Variants in AMD1 observed in about 807,000 individuals in gnomAD.
AMD1 encodes S-adenosylmethionine decarboxylase proenzyme.
AMD1 carries 11 observed loss-of-function variants against 40.2 expected under a neutral mutation model. That is an observed-to-expected ratio of 0.27 (90% CI 0.17 to 0.45). The LOEUF (loss-of-function observed/expected upper bound fraction) is 0.45. Among genes scored for constraint, AMD1 ranks in the 20% least tolerant of loss-of-function variants. The probability of loss-of-function intolerance (pLI) is 1.00; values close to 1 mark genes in which losing one functional copy is unlikely to be tolerated. For synonymous variants in AMD1, 121 were observed against 130.8 expected (o/e 0.93, Z 0.51); for missense variants, 257 against 410.2 (o/e 0.63, Z 3.23).
chr6:110,861,195 AT>A, the AMD1 span, among the ~76,000 whole-genome samples: 2 of 151,930 alleles, frequency 1.3e-5, no homozygotes, highest in African/African-American at 2.4e-5. Context: ...TGTCTCTACT[AT>A]AAACACAAAA....
At chr6:110,830,351 C>T in the AMD1 span, among the ~76,000 whole-genome samples, 17 of 152,080 alleles carry the variant, frequency 1.1e-4, no homozygotes, top group African/African-American at 3.9e-4. Context: ...CAGGATCTCA[C>T]TTTGCTGCCC....
the AMD1 span, among the ~76,000 whole-genome samples, chr6:110,863,162 A>T: frequency 5.5e-4 from 82 of 150,036 alleles, 3 homozygotes; most frequent in South Asian, 0.016. Flanking sequence ...AGCCAGGATG[A>T]TCTCGATCTC....
the AMD1 span, among the ~76,000 whole-genome samples, chr6:110,850,898 T>C: frequency 2.0e-5 from 3 of 152,184 alleles, no homozygotes; most frequent in Admixed American, 1.3e-4. Flanking sequence ...TCAGAAATGA[T>C]TTTTGAAATA....
Position 110,874,888 on chromosome 6 carries a change from A to G in AMD1, c.-218A>G. 3.7e-6 allele frequency: 2 copies of G among 546,082 alleles called. No individual in the cohort carries two copies. The highest frequency in any genetic ancestry group is 6.5e-6 in the Non-Finnish European group (2 of 306,848). 33.8% of individuals were successfully genotyped at this position (546,082 alleles called of 1,614,324 possible). ...CTGAACTGTATCTGCCTCTATTTCC[A>G]AAAGACTCACGTTCAACTTTCGCTC... On this transcript the variant is annotated 5_prime_UTR_variant, in exon 1 of 9. Coordinates refer to ENST00000368885, the MANE Select transcript of AMD1 (RefSeq NM_001634.6).
the AMD1 span, among the ~76,000 whole-genome samples, chr6:110,841,108 G>T: frequency 2.6e-5 from 4 of 152,120 alleles, no homozygotes; most frequent in Non-Finnish European, 5.9e-5. Flanking sequence ...CCACCTCCTG[G>T]GTTCAAGCGA....
the AMD1 span, among the ~76,000 whole-genome samples, chr6:110,852,608 C>T: frequency 6.6e-6 from 1 of 152,030 alleles, no homozygotes; most frequent in Admixed American, 6.6e-5. Flanking sequence ...GTTTTGGAAC[C>T]CATAGTCATA....
chr6:110,817,586 G>A, the AMD1 span, among the ~76,000 whole-genome samples: 1 of 152,050 alleles, frequency 6.6e-6, no homozygotes, highest in Non-Finnish European at 1.5e-5. Flanking sequence ...TCCAGCCTGG[G>A]CAACAGAGCA....
the AMD1 span, among the ~76,000 whole-genome samples, chr6:110,826,982 G>A: frequency 2.6e-5 from 4 of 152,046 alleles, no homozygotes; most frequent in Non-Finnish European, 5.9e-5. Flanking sequence ...CTGAGCCACT[G>A]CACCAGGCCC....
chr6:110,873,426 A>G (rs1407031087), upstream of AMD1, among the ~76,000 whole-genome samples: 2 of 152,236 alleles, frequency 1.3e-5, no homozygotes, highest in African/African-American at 4.8e-5. Context: ...TTCTTTCAAC[A>G]GGTTTCACGG....
chr6:110,833,911 T>C, the AMD1 span, among the ~76,000 whole-genome samples: 1 of 152,276 alleles, frequency 6.6e-6, no homozygotes, highest in South Asian at 2.1e-4. Context: ...ACGTAAGAAC[T>C]CTTGCTTATG....
At chr6:110,888,276 G>C (rs1459131379) in intron 2 of AMD1, 1 of 152,184 alleles carries the variant, frequency 6.6e-6, no homozygotes, top group Admixed American at 6.6e-5. Context: ...TATATATTGT[G>C]ATGGGCCTTG....
At chr6:110,835,724 G>A in the AMD1 span, among the ~76,000 whole-genome samples, 1 of 152,068 alleles carries the variant, frequency 6.6e-6, no homozygotes, top group Non-Finnish European at 1.5e-5. Flanking sequence ...AATTAGCTGG[G>A]CATGGTGGCA....
the AMD1 span, among the ~76,000 whole-genome samples, chr6:110,823,215 G>C: frequency 6.6e-6 from 1 of 152,084 alleles, no homozygotes; most frequent in Non-Finnish European, 1.5e-5. Context: ...AGGCATAGAA[G>C]GAACATACCT....
At chr6:110,818,360 T>C in the AMD1 span, among the ~76,000 whole-genome samples, 2 of 152,108 alleles carry the variant, frequency 1.3e-5, no homozygotes, top group East Asian at 1.9e-4. Flanking sequence ...AGGAATAACA[T>C]TGATTAATGA....
At chr6:110,842,626 T>G in the AMD1 span, among the ~76,000 whole-genome samples, 2 of 152,188 alleles carry the variant, frequency 1.3e-5, no homozygotes, top group African/African-American at 4.8e-5. Context: ...CAAGCAACTG[T>G]GGCAGGCTAA....
the AMD1 span, chr6:110,814,716 G>A: frequency 3.0e-5 from 18 of 596,436 alleles, no homozygotes; most frequent in Middle Eastern, 5.2e-4. Flanking sequence ...CCTCCACCGC[G>A]GTCCCAACTC....
intron 1 of AMD1, among the ~76,000 whole-genome samples, chr6:110,885,809 C>T (rs76123322): frequency 0.036 from 5,538 of 152,214 alleles, 130 homozygotes; most frequent in Middle Eastern, 0.071. Flanking sequence ...GGTATTGGTA[C>T]GCAGATGGGT....
At position 110,892,891 on chromosome 6, in the gene AMD1, T is replaced by C. The variant is rs370756024; in HGVS notation, c.709-19T>C. 5.4e-6 allele frequency: 8 copies of C among 1,473,216 alleles called. No homozygotes were observed. The African/African-American group carries it at 6.9e-5, about 13-fold the overall frequency. 91.3% of individuals were successfully genotyped at this position (1,473,216 alleles called of 1,614,324 possible). A position where few individuals can be genotyped will look rare whatever the true frequency, so the allele number is the denominator to read the frequency against. ...TGAATAGTCTTTCCATTCTTAACAC[T>C]GTGAACTTTTTCTCTCAGGGAACTT... On this transcript the variant is annotated intron_variant, in intron 7 of 8. Transcript: ENST00000368885.
the AMD1 span, among the ~76,000 whole-genome samples, chr6:110,823,063 C>T: frequency 1.8e-4 from 28 of 152,116 alleles, no homozygotes; most frequent in Non-Finnish European, 3.2e-4. Context: ...TGTGGCGAGC[C>T]GAGATTGTAC....
Sources: gnomAD v4.1 joint callset for allele counts (sites outside exome capture counted in the v4.1 genomes callset) on GRCh38, gnomAD v4.1.1 for gene constraint, MANE v1.5 for transcripts, NCBI Gene and HGNC (gene_info 2026-07-23, HGNC 2026-07-21) for gene names.